Variants in PRKN observed in about 807,000 individuals in gnomAD.
PRKN encodes the protein E3 ubiquitin-protein ligase parkin.
In PRKN, 56 loss-of-function variants were observed where a neutral mutation model predicts 59.5. That is an observed-to-expected ratio of 0.94 (90% CI 0.76 to 1.18). The LOEUF is 1.18. Among genes scored for constraint, PRKN ranks in the 50% most tolerant of loss-of-function variants. The probability of loss-of-function intolerance (pLI) is 0.00; values close to 1 mark genes in which losing one functional copy is unlikely to be tolerated. For synonymous variants in PRKN, 250 were observed against 222.1 expected (o/e 1.13, Z -1.12); for missense variants, 657 against 596.4 (o/e 1.10, Z -1.06).
chr6:162,095,542 C>A (rs2128297415), intron 4 of PRKN, among the ~76,000 whole-genome samples: 1 of 152,156 alleles, frequency 6.6e-6, no homozygotes, highest in Non-Finnish European at 1.5e-5. Flanking sequence ...GATCGCTGAC[C>A]TATTAATTTA....
At chr6:162,010,222 AT>A (rs1782440618) in intron 5 of PRKN, among the ~76,000 whole-genome samples, 1 of 121,774 alleles carries the variant, frequency 8.2e-6, no homozygotes, top group African/African-American at 2.9e-5. Context: ...TTATATATAC[AT>A]AATATATATT....
intron 3 of PRKN, among the ~76,000 whole-genome samples, chr6:162,213,837 ACACACACACAC>A (rs2128075979): frequency 6.8e-6 from 1 of 147,062 alleles, no homozygotes; most frequent in East Asian, 2.0e-4. Context: ...ACACACACAC[ACACACACACAC>A]ACACACACAC....
intron 1 of PRKN, among the ~76,000 whole-genome samples, chr6:162,479,139 T>C (rs1324008064): frequency 6.6e-6 from 1 of 152,158 alleles, no homozygotes; most frequent in African/African-American, 2.4e-5. Flanking sequence ...CACACAAATG[T>C]ATTGCACAGC....
At chr6:161,694,757 T>G (rs1165232721) in intron 7 of PRKN, among the ~76,000 whole-genome samples, 1 of 152,194 alleles carries the variant, frequency 6.6e-6, no homozygotes, top group African/African-American at 2.4e-5. Flanking sequence ...GACTCCCTGT[T>G]TGCTAACATG....
intron 1 of PRKN, among the ~76,000 whole-genome samples, chr6:162,583,946 G>A (rs1780892239): frequency 6.6e-6 from 1 of 152,202 alleles, no homozygotes; most frequent in African/African-American, 2.4e-5. Context: ...GGGCGCGGTG[G>A]CTCACGCCTG....
chr6:161,448,306 A>T lies in PRKN; in HGVS notation c.1084-61429T>A, dbSNP rs1443292141. On this transcript the variant is annotated intron_variant, in intron 9 of 11. Transcript: ENST00000366898. The surrounding 1 kb of genome is among the most constrained non-coding windows in gnomAD (Gnocchi z 5.1). ...CATGCAGCCCTTGAATGAATTACTT[A>T]ACTGGATCCTAAGCATTTTGATTAT... Among the ~76,000 whole-genome samples, 1 of 152,202 alleles carries T rather than the reference A, an allele frequency of 6.6e-6. No homozygotes were observed. The highest frequency in any genetic ancestry group is 6.5e-5 in the Admixed American group (1 of 15,288).
intron 7 of PRKN, among the ~76,000 whole-genome samples, chr6:161,660,533 G>A (rs972164241): frequency 3.9e-5 from 6 of 152,138 alleles, no homozygotes; most frequent in Non-Finnish European, 7.4e-5. Context: ...TGGTGAGCTG[G>A]CAAGAGAGAT....
chr6:161,506,964 C>G (rs1778197576), intron 9 of PRKN, among the ~76,000 whole-genome samples: 1 of 152,128 alleles, frequency 6.6e-6, no homozygotes, highest in Non-Finnish European at 1.5e-5. Flanking sequence ...GGGCATTAAG[C>G]CTCCAGAGAA....
chr6:161,783,228 C>T (rs2128206102), intron 7 of PRKN, among the ~76,000 whole-genome samples: 1 of 151,816 alleles, frequency 6.6e-6, no homozygotes, highest in Non-Finnish European at 1.5e-5. Flanking sequence ...TTTGGTAACA[C>T]TGGATTTGAA....
intron 7 of PRKN, among the ~76,000 whole-genome samples, chr6:161,659,740 G>A (rs1784477835): frequency 1.3e-5 from 2 of 150,414 alleles, no homozygotes; most frequent in South Asian, 4.1e-4. Context: ...TCGGCTTGTC[G>A]TCACTGGCTG....
intron 5 of PRKN, among the ~76,000 whole-genome samples, chr6:162,007,796 C>A (rs2128265980): frequency 6.6e-6 from 1 of 152,228 alleles, no homozygotes; most frequent in Admixed American, 6.5e-5. Flanking sequence ...ATCCTGAGTT[C>A]TCTATAATAA....
chr6:162,244,429 C>T (rs1240083036), intron 3 of PRKN, among the ~76,000 whole-genome samples: 1 of 151,400 alleles, frequency 6.6e-6, no homozygotes, highest in Admixed American at 6.6e-5. Flanking sequence ...AACCCAAGTT[C>T]ACAAAATTGT....
At chr6:162,689,534 T>G (rs1188043041) in intron 1 of PRKN, among the ~76,000 whole-genome samples, 1 of 152,246 alleles carries the variant, frequency 6.6e-6, no homozygotes, top group Non-Finnish European at 1.5e-5. Context: ...GATTATGTTG[T>G]CTTTATTGAA....
chr6:162,263,897 C>CA (rs988228506), intron 2 of PRKN, among the ~76,000 whole-genome samples: 5 of 151,238 alleles, frequency 3.3e-5, no homozygotes, highest in African/African-American at 9.7e-5. Flanking sequence ...CCCCCCCAAC[C>CA]AAAAAATAAT....
intron 10 of PRKN, among the ~76,000 whole-genome samples, chr6:161,367,183 A>G (rs1175951204): frequency 6.6e-6 from 1 of 151,204 alleles, no homozygotes; most frequent in East Asian, 1.9e-4. Context: ...GGGTTTCACC[A>G]TGTTAGCCGG....
At chr6:161,736,836 G>A (rs1248563199) in intron 7 of PRKN, among the ~76,000 whole-genome samples, 2 of 152,188 alleles carry the variant, frequency 1.3e-5, no homozygotes, top group Non-Finnish European at 2.9e-5. Context: ...TAAGCCCAAA[G>A]TGGGAAGAAA....
chr6:162,385,992 A>C (rs769501545), intron 2 of PRKN, among the ~76,000 whole-genome samples: 144 of 152,300 alleles, frequency 9.5e-4, no homozygotes, highest in Admixed American at 4.2e-3. Context: ...TCTTGGAAAA[A>C]TCAATTTCTA....
chr6:162,143,021 G>A (rs895451970), intron 4 of PRKN, among the ~76,000 whole-genome samples: 1 of 152,294 alleles, frequency 6.6e-6, no homozygotes, highest in Non-Finnish European at 1.5e-5. Context: ...GTGTTGGCAC[G>A]TAATACATGG....
chr6:162,469,408 T>A (rs1363222461), intron 1 of PRKN, among the ~76,000 whole-genome samples: 4 of 151,332 alleles, frequency 2.6e-5, no homozygotes, highest in Non-Finnish European at 5.9e-5. Flanking sequence ...AGATGCATGT[T>A]TATAGCAGCA....
Sources: gnomAD v4.1 joint callset for allele counts (sites outside exome capture counted in the v4.1 genomes callset) on GRCh38, gnomAD v4.1.1 for gene constraint, Gnocchi (gnomAD v3.1) non-coding constraint, MANE v1.5 for transcripts, NCBI Gene and HGNC (gene_info 2026-07-23, HGNC 2026-07-21) for gene names.